The following MAGI1 variants were observed in gnomAD, a reference collection of about 807,000 sequenced individuals.
MAGI1 encodes the protein membrane associated guanylate kinase, WW and PDZ domain containing 1.
A neutral mutation model predicts 139.9 loss-of-function variants in MAGI1; 58 were observed. That is an observed-to-expected ratio of 0.41 (90% CI 0.34 to 0.52). The LOEUF (loss-of-function observed/expected upper bound fraction) is 0.52. Among genes scored for constraint, MAGI1 ranks in the 20% least tolerant of loss-of-function variants. The pLI is 0.12. For missense variants in MAGI1, 1,874 were observed against 1,901.6 expected, an observed-to-expected ratio of 0.99 and a Z score of 0.27; for synonymous variants, 812 against 737.9, an observed-to-expected ratio of 1.10 and a Z score of -1.63.
At chr3:65,856,558 G>A (rs960904174) in intron 1 of MAGI1, among the ~76,000 whole-genome samples, 5 of 152,150 alleles carry the variant, frequency 3.3e-5, no homozygotes, top group Admixed American at 1.3e-4. Flanking sequence ...GAAGGTCATC[G>A]GGTGACACAG....
intron 1 of MAGI1, among the ~76,000 whole-genome samples, chr3:65,648,325 GCGTGCA>G (rs1025041989): frequency 6.6e-6 from 1 of 151,904 alleles, no homozygotes; most frequent in Non-Finnish European, 1.5e-5. Flanking sequence ...GTGCGCGTGC[GCGTGCA>G]CACAGACAGG....
rs771576284 is a variant in MAGI1 at position 65,442,870 on chromosome 3, T to G, written c.1079-21A>C. 4 of 1,604,476 alleles carry G rather than the reference T, an allele frequency of 2.5e-6. No individual in the cohort carries two copies. The South Asian group carries it at 3.3e-5, about 13-fold the overall frequency. On this transcript the variant is annotated intron_variant, in intron 7 of 22. Coordinates refer to ENST00000402939, the MANE Select transcript of MAGI1 (RefSeq NM_001033057.2). ...CAGTTCTGAAAAATAAAAGAACATT[T>G]AGGGCAAGAAGAGCATATTCTTGAA... is the stretch of plus-strand genomic sequence containing the variant.
intron 2 of MAGI1, among the ~76,000 whole-genome samples, chr3:65,566,638 G>T (rs529018377): frequency 2.4e-4 from 37 of 152,192 alleles, no homozygotes; most frequent in Non-Finnish European, 4.3e-4. Flanking sequence ...TTGTTTGTTT[G>T]TTTGTTTTGG....
intron 1 of MAGI1, among the ~76,000 whole-genome samples, chr3:65,834,534 G>C (rs1417381039): frequency 6.6e-6 from 1 of 152,224 alleles, no homozygotes; most frequent in Non-Finnish European, 1.5e-5. Flanking sequence ...GTAGGTGCTT[G>C]AAAATAATAT....
intron 1 of MAGI1, among the ~76,000 whole-genome samples, chr3:66,033,709 A>G (rs1316691076): frequency 1.3e-5 from 2 of 152,182 alleles, no homozygotes; most frequent in Non-Finnish European, 2.9e-5. Context: ...TTTAAATTGT[A>G]TCTCTTTTAT....
At chr3:66,020,390 A>G (rs2067898283) in intron 1 of MAGI1, among the ~76,000 whole-genome samples, 1 of 152,158 alleles carries the variant, frequency 6.6e-6, no homozygotes, top group Non-Finnish European at 1.5e-5. Context: ...AAATCACATC[A>G]TTACACTCCA....
At chr3:65,746,694 G>C (rs1412042518) in intron 1 of MAGI1, among the ~76,000 whole-genome samples, 1 of 152,070 alleles carries the variant, frequency 6.6e-6, no homozygotes, top group East Asian at 1.9e-4. Context: ...CAGCCATCAA[G>C]GGCATTAAAA....
intron 2 of MAGI1, chr3:65,597,798 G>A: frequency 2.2e-6 from 1 of 456,710 alleles, no homozygotes; most frequent in Non-Finnish European, 4.4e-6. Context: ...AGGAGATCAT[G>A]GACCACTTGT....
At chr3:65,534,162 C>T (rs186854215) in intron 2 of MAGI1, among the ~76,000 whole-genome samples, 1 of 152,140 alleles carries the variant, frequency 6.6e-6, no homozygotes, top group Non-Finnish European at 1.5e-5. Flanking sequence ...GTTTCTACAG[C>T]ATGATCACTG....
intron 1 of MAGI1, among the ~76,000 whole-genome samples, chr3:65,724,812 A>G (rs1298931386): frequency 1.3e-5 from 2 of 152,134 alleles, no homozygotes; most frequent in African/African-American, 4.8e-5. Flanking sequence ...AGAGGGGAAG[A>G]GCACCTCATA....
At chr3:65,505,749 C>T (rs1033832123) in intron 2 of MAGI1, among the ~76,000 whole-genome samples, 3 of 151,442 alleles carry the variant, frequency 2.0e-5, no homozygotes, top group African/African-American at 7.3e-5. Flanking sequence ...AATGGTTGCA[C>T]AGTTCTGTGC....
chr3:65,465,302 C>A (rs1041757115), intron 5 of MAGI1, among the ~76,000 whole-genome samples: 1 of 150,464 alleles, frequency 6.6e-6, no homozygotes, highest in Non-Finnish European at 1.5e-5. Flanking sequence ...GTTTTACTTT[C>A]TCCATTCTTC....
At chr3:65,981,162 A>AAC (rs1253612680) in intron 1 of MAGI1, among the ~76,000 whole-genome samples, 1 of 151,648 alleles carries the variant, frequency 6.6e-6, no homozygotes, top group African/African-American at 2.4e-5. Flanking sequence ...AAAAAAAAAA[A>AAC]AAAAGAAAAG....
chr3:65,854,569 A>G (rs1377801192), intron 1 of MAGI1, among the ~76,000 whole-genome samples: 3 of 152,264 alleles, frequency 2.0e-5, no homozygotes, highest in Admixed American at 6.5e-5. Context: ...TGAAAAATGG[A>G]TAACTTTGCA....
chr3:65,474,252 G>A (rs1950728149), intron 4 of MAGI1, among the ~76,000 whole-genome samples: 3 of 150,650 alleles, frequency 2.0e-5, no homozygotes, highest in Admixed American at 6.7e-5. Flanking sequence ...GTCACAGAAC[G>A]AGACCCTGTC....
chr3:65,870,533 A>C (rs1229817732), intron 1 of MAGI1, among the ~76,000 whole-genome samples: 1 of 151,556 alleles, frequency 6.6e-6, no homozygotes, highest in Non-Finnish European at 1.5e-5. Context: ...AAGGAGGGGA[A>C]GAAGACAGGG....
intron 2 of MAGI1, among the ~76,000 whole-genome samples, chr3:65,567,314 C>T (rs1055853378): frequency 6.6e-6 from 1 of 152,020 alleles, no homozygotes; most frequent in African/African-American, 2.4e-5. Context: ...TTCCTGCTCC[C>T]TCCACACTCA....
intron 1 of MAGI1, among the ~76,000 whole-genome samples, chr3:65,958,872 A>T (rs983982600): frequency 6.6e-6 from 1 of 152,142 alleles, no homozygotes; most frequent in Non-Finnish European, 1.5e-5. Context: ...CTGTAATCCC[A>T]GCTCCTGGGG....
At chr3:65,395,756 A>C (rs1295675917) in intron 13 of MAGI1, among the ~76,000 whole-genome samples, 2 of 151,848 alleles carry the variant, frequency 1.3e-5, no homozygotes, top group African/African-American at 4.8e-5. Context: ...ATAACGCATG[A>C]GCCCTGTGGG....
Sources: allele counts gnomAD v4.1 joint callset (sites outside exome capture counted in the v4.1 genomes callset), GRCh38; gene constraint gnomAD v4.1.1; transcripts MANE v1.5; gene names NCBI Gene and HGNC (gene_info 2026-07-23, HGNC 2026-07-21).